The following PDE4B variants were observed in gnomAD, a reference collection of about 807,000 sequenced individuals.
PDE4B encodes the protein phosphodiesterase 4B.
In PDE4B, 20 loss-of-function variants were observed where a neutral mutation model predicts 82.2. The observed-to-expected ratio is 0.24, with a 90% CI of 0.17 to 0.35. The LOEUF is 0.35. Among genes scored for constraint, PDE4B ranks in the 10% least tolerant of loss-of-function variants. PDE4B has a pLI of 1.00. For missense variants in PDE4B, 655 were observed against 907.2 expected (o/e 0.72, Z 3.57); for synonymous variants, 320 against 318.9 (o/e 1.00, Z -0.04).
chr1:66,308,347 T>C (rs1658430694), intron 7 of PDE4B, among the ~76,000 whole-genome samples: 1 of 152,126 alleles, frequency 6.6e-6, no homozygotes, highest in Non-Finnish European at 1.5e-5. Context: ...GGAAACTTAT[T>C]ATTGAAGTAT....
intron 3 of PDE4B, among the ~76,000 whole-genome samples, chr1:66,003,415 A>G (rs1348702394): frequency 2.0e-5 from 3 of 152,172 alleles, no homozygotes; most frequent in Non-Finnish European, 2.9e-5. Context: ...CTTTGAAGTC[A>G]TTCCATCCAC....
At chr1:66,057,723 G>A (rs886940498) in intron 3 of PDE4B, among the ~76,000 whole-genome samples, 6 of 152,124 alleles carry the variant, frequency 3.9e-5, no homozygotes, top group African/African-American at 1.4e-4. Flanking sequence ...CTTATTAACT[G>A]TCACCAGAAC....
intron 3 of PDE4B, among the ~76,000 whole-genome samples, chr1:66,086,999 G>A (rs1474294271): frequency 1.3e-5 from 2 of 152,166 alleles, no homozygotes; most frequent in Non-Finnish European, 2.9e-5. Context: ...AGACCTGCAT[G>A]TACAAGGGCA....
intron 7 of PDE4B, among the ~76,000 whole-genome samples, chr1:66,298,213 T>C (rs1453598785): frequency 6.6e-6 from 1 of 152,164 alleles, no homozygotes; most frequent in Non-Finnish European, 1.5e-5. Flanking sequence ...ACTATAGTCA[T>C]ATTATGCTGT....
intron 8 of PDE4B, among the ~76,000 whole-genome samples, chr1:66,352,018 A>G (rs774280445): frequency 6.6e-6 from 1 of 152,046 alleles, no homozygotes. Flanking sequence ...TGCCTTTCTT[A>G]GTTTGTACAG....
rs1381769506 is a variant in PDE4B, at chr1:66,247,673, T to C, written c.476+19T>C. The stretch of plus-strand genomic sequence containing the variant: ...GCGAGCAGTAAGTACAAGCTCTGTC[T>C]GGCTTCCAGTTTCACATTTACCTCA... On this transcript the variant is annotated intron_variant, in intron 4 of 16. Transcript: ENST00000341517. 1.3e-6 allele frequency: 2 copies of C among 1,527,550 alleles called. No homozygotes were observed. Among genetic ancestry groups the C allele is most frequent in the Admixed American group, 4.1e-5 (2 of 48,294 alleles). 94.6% of individuals were successfully genotyped at this position (1,527,550 alleles called of 1,614,324 possible). A position where few individuals can be genotyped will look rare whatever the true frequency, so the allele number is the denominator to read the frequency against.
rs1380539527 is a variant in PDE4B, at chr1:66,116,545, G to A, written c.282-130915G>A. 4.6e-5 allele frequency among the ~76,000 whole-genome samples: 7 copies of A among 152,082 alleles called. 1 individual carries two copies. In the South Asian group the frequency reaches 1.5e-3, roughly 32 times the overall value. On this transcript the variant is annotated intron_variant, in intron 3 of 16. Coordinates refer to ENST00000341517, the MANE Select transcript of PDE4B (RefSeq NM_002600.4). ...GATTGGACTGAGGGTGTCAACATCCGGAGGTCAGTATAAAGACCCCCCCAG... is the reference window on the plus strand; with the variant it reads ...GATTGGACTGAGGGTGTCAACATCCAGAGGTCAGTATAAAGACCCCCCCAG...
intron 3 of PDE4B, among the ~76,000 whole-genome samples, chr1:65,930,097 A>G (rs1326970690): frequency 1.3e-5 from 2 of 152,186 alleles, no homozygotes; most frequent in African/African-American, 2.4e-5. Context: ...AAAACTGAAG[A>G]ACTTGGAGTC....
chr1:65,803,322 A>G (rs1194069434), intron 1 of PDE4B, among the ~76,000 whole-genome samples: 1 of 152,170 alleles, frequency 6.6e-6, no homozygotes, highest in Non-Finnish European at 1.5e-5. Flanking sequence ...GAAATAATGG[A>G]TGTGAAGTGC....
At chr1:66,005,164 T>C (rs1326715564) in intron 3 of PDE4B, among the ~76,000 whole-genome samples, 1 of 152,102 alleles carries the variant, frequency 6.6e-6, no homozygotes, top group African/African-American at 2.4e-5. Flanking sequence ...CCATACACAT[T>C]GCTCCAGATT....
intron 1 of PDE4B, among the ~76,000 whole-genome samples, chr1:65,858,686 T>C (rs904083312): frequency 2.0e-5 from 3 of 152,230 alleles, no homozygotes; most frequent in African/African-American, 7.2e-5. Flanking sequence ...TCAGTCTGTA[T>C]ACCGTATTTT....
At chr1:66,199,807 T>C (rs746948546) in intron 3 of PDE4B, among the ~76,000 whole-genome samples, 7 of 151,300 alleles carry the variant, frequency 4.6e-5, no homozygotes, top group Non-Finnish European at 1.0e-4. Context: ...GCAACATAGG[T>C]TGATGGTAGT....
chr1:65,816,190 A>AGTATGT (rs1553186974), intron 1 of PDE4B, among the ~76,000 whole-genome samples: 1 of 132,798 alleles, frequency 7.5e-6, no homozygotes, highest in African/African-American at 2.8e-5. Flanking sequence ...TTATTAATGC[A>AGTATGT]GTGTGTGTGT....
chr1:66,229,474 T>C (rs1240603328), intron 3 of PDE4B, among the ~76,000 whole-genome samples: 1 of 152,240 alleles, frequency 6.6e-6, no homozygotes, highest in Non-Finnish European at 1.5e-5. Flanking sequence ...TTCCATGAAC[T>C]TATTCAGCTT....
intron 3 of PDE4B, among the ~76,000 whole-genome samples, chr1:65,958,733 T>TACACAC (rs71058438): frequency 2.7e-5 from 4 of 149,646 alleles, no homozygotes; most frequent in African/African-American, 4.9e-5. Flanking sequence ...TATAATGTGA[T>TACACAC]ACACACACAC....
intron 13 of PDE4B, among the ~76,000 whole-genome samples, chr1:66,366,833 G>C (rs994823085): frequency 2.0e-5 from 3 of 151,992 alleles, no homozygotes; most frequent in Admixed American, 2.0e-4. Context: ...TTGATCACAG[G>C]ATGAACAAAA....
intron 3 of PDE4B, among the ~76,000 whole-genome samples, chr1:66,160,818 C>T (rs1646597490): frequency 6.6e-6 from 1 of 152,190 alleles, no homozygotes; most frequent in Non-Finnish European, 1.5e-5. Context: ...ATTATACTGA[C>T]TGTGCCTCTA....
At chr1:65,878,209 A>C (rs900250687) in intron 1 of PDE4B, among the ~76,000 whole-genome samples, 1 of 152,206 alleles carries the variant, frequency 6.6e-6, no homozygotes, top group Non-Finnish European at 1.5e-5. Flanking sequence ...TAGAATGGTG[A>C]CCATTAAAAA....
At chr1:66,185,858 T>C (rs974962068) in intron 3 of PDE4B, among the ~76,000 whole-genome samples, 2 of 152,180 alleles carry the variant, frequency 1.3e-5, no homozygotes, top group African/African-American at 4.8e-5. Flanking sequence ...CATTTGTCAA[T>C]TTTGGCTTTT....
Sources: allele counts gnomAD v4.1 joint callset (sites outside exome capture counted in the v4.1 genomes callset), GRCh38; gene constraint gnomAD v4.1.1; transcripts MANE v1.5; gene names NCBI Gene and HGNC (gene_info 2026-07-23, HGNC 2026-07-21).